The following TNFAIP8 variants were observed in gnomAD, a reference collection of about 807,000 sequenced individuals.
TNFAIP8 encodes tumor necrosis factor alpha-induced protein 8.
A neutral mutation model predicts 13.3 loss-of-function variants in TNFAIP8; 7 were observed. The ratio of observed to expected loss-of-function variants is 0.52; its 90% CI spans 0.30 to 0.99. The LOEUF is 0.99. TNFAIP8 is among the 50% of genes least tolerant of loss of function. TNFAIP8 has a pLI of 0.07. For synonymous variants in TNFAIP8, 94 were observed against 87.6 expected, an observed-to-expected ratio of 1.07 and a Z score of -0.41; for missense variants, 258 against 236.9, an observed-to-expected ratio of 1.09 and a Z score of -0.58.
At chr5:119,361,217 G>A (rs1206707998) in intron 1 of TNFAIP8, among the ~76,000 whole-genome samples, 2 of 148,846 alleles carry the variant, frequency 1.3e-5, no homozygotes, top group Non-Finnish European at 3.0e-5. Flanking sequence ...AAGCATTTGC[G>A]GGGCTGCAGC....
At chr5:119,356,227 T>C (rs919261775) in intron 1 of TNFAIP8, 106 bp downstream of exon 1, 1 of 1,072,770 alleles carries the variant, frequency 9.3e-7, no homozygotes. Flanking sequence ...GTGGGCACTT[T>C]GTCCGCTTGC....
chr5:119,372,610 A>G (rs962995636), intron 1 of TNFAIP8, among the ~76,000 whole-genome samples: 1 of 152,256 alleles, frequency 6.6e-6, no homozygotes, highest in Non-Finnish European at 1.5e-5. Flanking sequence ...AGTAGCCCAC[A>G]TACCATAAAA....
chr5:119,356,207 A>G (rs1751405619), intron 1 of TNFAIP8, 86 bp downstream of exon 1: 2 of 1,269,684 alleles, frequency 1.6e-6, no homozygotes, highest in Non-Finnish European at 2.2e-6. Context: ...TGGGAGTTTT[A>G]AAGTGAGCGG....
chr5:119,333,851 G>T (rs892727810), intron 1 of TNFAIP8, among the ~76,000 whole-genome samples: 1 of 152,110 alleles, frequency 6.6e-6, no homozygotes, highest in African/African-American at 2.4e-5. Flanking sequence ...TGAGTATTGT[G>T]GGTGGAAAAA....
At chr5:119,327,251 T>C (rs1750251153) in intron 1 of TNFAIP8, among the ~76,000 whole-genome samples, 1 of 152,074 alleles carries the variant, frequency 6.6e-6, no homozygotes, top group Non-Finnish European at 1.5e-5. Flanking sequence ...TGGGGGCGGA[T>C]GTGTGTTGAC....
chr5:119,379,858 G>T lies in TNFAIP8; in HGVS notation c.32-12958G>T, dbSNP rs1235784206. On this transcript the variant is annotated intron_variant, in intron 1 of 1. Transcript: ENST00000504771. ...TCTGCCCACCTCAGCCTCCCAAAGTGCTGGGATTATAGGCATGAGCCACTG... is the reference window on the plus strand; with the variant it reads ...TCTGCCCACCTCAGCCTCCCAAAGTTCTGGGATTATAGGCATGAGCCACTG... Among the ~76,000 whole-genome samples, 4 of 152,180 alleles carry T rather than the reference G, an allele frequency of 2.6e-5. No homozygotes were observed. The East Asian group carries it at 5.8e-4, about 22-fold the overall frequency.
chr5:119,366,705 G>A (rs966673257), intron 1 of TNFAIP8, among the ~76,000 whole-genome samples: 3 of 152,162 alleles, frequency 2.0e-5, no homozygotes, highest in African/African-American at 7.2e-5. Flanking sequence ...ACCTAACTTC[G>A]GGGGGTTTCC....
intron 1 of TNFAIP8, among the ~76,000 whole-genome samples, chr5:119,282,296 A>T (rs1236759974): frequency 6.6e-6 from 1 of 152,010 alleles, no homozygotes; most frequent in African/African-American, 2.4e-5. Flanking sequence ...GTTAACACTA[A>T]ATATATATTT....
chr5:119,347,578 A>G (rs969560700), intron 1 of TNFAIP8, among the ~76,000 whole-genome samples: 1 of 152,242 alleles, frequency 6.6e-6, no homozygotes, highest in African/African-American at 2.4e-5. Context: ...CAACTTTGTG[A>G]ATCATAACTA....
chr5:119,354,822 A>G (rs999513104), upstream of TNFAIP8: 1 of 156,326 alleles, frequency 6.4e-6, no homozygotes, highest in Non-Finnish European at 1.4e-5. Flanking sequence ...TAAATTTGCC[A>G]TAGTGTTTCT....
intron 1 of TNFAIP8, chr5:119,333,330 C>G: frequency 7.9e-7 from 1 of 1,262,300 alleles, no homozygotes; most frequent in East Asian, 3.3e-5. Flanking sequence ...CTAATGCATT[C>G]CACTACAAGT....
intron 1 of TNFAIP8, among the ~76,000 whole-genome samples, chr5:119,335,843 AT>A (rs2112715899): frequency 6.6e-6 from 1 of 151,726 alleles, no homozygotes; most frequent in South Asian, 2.1e-4. Flanking sequence ...AGAAAAAGAT[AT>A]TTTCAAGCTG....
chr5:119,276,705 C>T (rs1748461698), intron 1 of TNFAIP8, among the ~76,000 whole-genome samples: 1 of 152,134 alleles, frequency 6.6e-6, no homozygotes, highest in Non-Finnish European at 1.5e-5. Context: ...CATAGAGTGC[C>T]AGTCATATTA....
intron 1 of TNFAIP8, among the ~76,000 whole-genome samples, chr5:119,325,887 A>G (rs575295224): frequency 1.3e-5 from 2 of 152,190 alleles, no homozygotes; most frequent in African/African-American, 2.4e-5. Flanking sequence ...TGCCCAGACC[A>G]TTATTCCTGT....
intron 1 of TNFAIP8, among the ~76,000 whole-genome samples, chr5:119,389,391 G>A (rs1752807846): frequency 7.1e-6 from 1 of 140,004 alleles, no homozygotes; most frequent in Non-Finnish European, 1.6e-5. Context: ...CTGAAGCTGT[G>A]GCAGTGGATG....
chr5:119,305,717 A>G (rs1561992990), intron 1 of TNFAIP8, among the ~76,000 whole-genome samples: 2 of 152,232 alleles, frequency 1.3e-5, no homozygotes, highest in Non-Finnish European at 1.5e-5. Context: ...CGCTTTATAA[A>G]TGACACATTA....
At chr5:119,387,209 G>T (rs1752716337) in intron 1 of TNFAIP8, among the ~76,000 whole-genome samples, 1 of 151,996 alleles carries the variant, frequency 6.6e-6, no homozygotes, top group Non-Finnish European at 1.5e-5. Flanking sequence ...TGTTTGTTCT[G>T]GCCACTTTCT....
intron 1 of TNFAIP8, among the ~76,000 whole-genome samples, chr5:119,275,421 A>G (rs1748410349): frequency 6.6e-6 from 1 of 152,124 alleles, no homozygotes; most frequent in Non-Finnish European, 1.5e-5. Flanking sequence ...CTGAACTGGG[A>G]TGGGCATCCT....
Position 119,391,328 on chromosome 5 carries a change from A to G in TNFAIP8, c.32-1488A>G, listed in dbSNP as rs1312651805. ...ATGTATCTGTATTTTTAAACTTTTTATCTTTCATTACCAAATGACTGCTTT... is the reference window on the plus strand; with the variant it reads ...ATGTATCTGTATTTTTAAACTTTTTGTCTTTCATTACCAAATGACTGCTTT... On this transcript the variant is annotated intron_variant, in intron 1 of 1. Coordinates refer to ENST00000504771, the MANE Select transcript of TNFAIP8 (RefSeq NM_014350.4). 7.1e-6 allele frequency: 5 copies of G among 699,898 alleles called. No individual in the cohort carries two copies. In the Admixed American group the frequency reaches 8.1e-5, roughly 11 times the overall value. The allele number at this position is 699,898 out of a possible 1,614,324, so 43.4% of individuals were successfully genotyped here. A position where few individuals can be genotyped will look rare whatever the true frequency, so the allele number is the denominator to read the frequency against.
Sources: gnomAD v4.1 joint callset for allele counts (sites outside exome capture counted in the v4.1 genomes callset) on GRCh38, gnomAD v4.1.1 for gene constraint, MANE v1.5 for transcripts, NCBI Gene and HGNC (gene_info 2026-07-23, HGNC 2026-07-21) for gene names.